The following THSD7B variants were observed in gnomAD, a reference collection of about 807,000 sequenced individuals.
THSD7B encodes the protein thrombospondin type-1 domain-containing protein 7B.
THSD7B carries 138 observed loss-of-function variants against 213.6 expected under a neutral mutation model. That is an observed-to-expected ratio of 0.65 (90% CI 0.56 to 0.74). The LOEUF is 0.74. Among genes scored for constraint, THSD7B ranks in the 30% least tolerant of loss-of-function variants. The pLI is 0.00. For synonymous variants in THSD7B, 742 were observed against 687.0 expected (o/e 1.08, Z -1.25); for missense variants, 1,931 against 1,991.5 (o/e 0.97, Z 0.58).
chr2:137,670,978 A>G (rs188086225), intron 27 of THSD7B, among the ~76,000 whole-genome samples: 1 of 150,824 alleles, frequency 6.6e-6, no homozygotes, highest in Admixed American at 6.6e-5. Flanking sequence ...TTTCATATTC[A>G]TAATAGAATT....
At chr2:137,488,289 T>G (rs1226287680) in intron 15 of THSD7B, among the ~76,000 whole-genome samples, 1 of 152,196 alleles carries the variant, frequency 6.6e-6, no homozygotes, top group African/African-American at 2.4e-5. Context: ...GGTATTCATA[T>G]GTATATGCAC....
At chr2:137,472,877 T>C (rs1188107360) in intron 15 of THSD7B, among the ~76,000 whole-genome samples, 2 of 152,206 alleles carry the variant, frequency 1.3e-5, no homozygotes, top group African/African-American at 4.8e-5. Context: ...TGACATCGTA[T>C]ATTGGTCATT....
chr2:136,902,885 G>A (rs781372335), intron 2 of THSD7B, among the ~76,000 whole-genome samples: 32 of 152,166 alleles, frequency 2.1e-4, no homozygotes, highest in Non-Finnish European at 3.2e-4. Flanking sequence ...ATATGCACAT[G>A]GGAGGAAACT....
At chr2:137,556,832 A>C (rs1680981233) in intron 15 of THSD7B, among the ~76,000 whole-genome samples, 1 of 152,212 alleles carries the variant, frequency 6.6e-6, no homozygotes, top group African/African-American at 2.4e-5. Flanking sequence ...GCTCAAAAGA[A>C]AGGGATGGAG....
rs138643930 is a variant in THSD7B at position 137,537,777 on chromosome 2, A to G, written c.3139-25444A>G. ...TTTACATTGCTTTTAGACTACATTC[A>G]TTTATTCATCTTTCTAAAAATATTT... On this transcript the variant is annotated intron_variant, in intron 15 of 27. Transcript: ENST00000409968. Among the ~76,000 whole-genome samples, 92 of 151,828 alleles carry G rather than the reference A, an allele frequency of 6.1e-4. 2 individuals carry two copies. The highest frequency in any genetic ancestry group is 2.0e-3 in the African/African-American group (83 of 41,504).
chr2:137,201,537 A>G (rs1163685199), intron 7 of THSD7B, among the ~76,000 whole-genome samples: 1 of 152,194 alleles, frequency 6.6e-6, no homozygotes, highest in Non-Finnish European at 1.5e-5. Flanking sequence ...CCCACCAACA[A>G]TGTATACATA....
At chr2:136,854,907 A>G (rs1683154440) in intron 1 of THSD7B, among the ~76,000 whole-genome samples, 1 of 152,076 alleles carries the variant, frequency 6.6e-6, no homozygotes, top group Non-Finnish European at 1.5e-5. Context: ...CCATTGCCCC[A>G]GGTGATGGGC....
intron 15 of THSD7B, among the ~76,000 whole-genome samples, chr2:137,472,532 C>T (rs986322247): frequency 7.2e-5 from 11 of 152,218 alleles, no homozygotes; most frequent in South Asian, 4.1e-4. Flanking sequence ...ATTTTGCAAA[C>T]GTCTTTGATA....
At chr2:137,269,613 A>ATAG (rs1215280855) in intron 10 of THSD7B, among the ~76,000 whole-genome samples, 8 of 152,226 alleles carry the variant, frequency 5.3e-5, no homozygotes, top group Non-Finnish European at 1.0e-4. Context: ...CTGAGGCTAA[A>ATAG]TAGTACAGTA....
At chr2:137,142,366 AG>A (rs1679603571) in intron 5 of THSD7B, among the ~76,000 whole-genome samples, 1 of 152,160 alleles carries the variant, frequency 6.6e-6, no homozygotes, top group Non-Finnish European at 1.5e-5. Context: ...TTCATGAGGG[AG>A]GAGCCCTCCT....
At position 136,846,448 on chromosome 2, in the gene THSD7B, A is replaced by C. The variant is rs548017237; in HGVS notation, c.-35-35696A>C. Reference sequence around the variant, plus strand: ...CACTTTCTGCTACAGTAATTTGATAATAAAATTTATATATTATGAGAAGCA... The same window carrying C: ...CACTTTCTGCTACAGTAATTTGATACTAAAATTTATATATTATGAGAAGCA... On this transcript the variant is annotated intron_variant, in intron 1 of 27. Coordinates refer to ENST00000409968, the MANE Select transcript of THSD7B (RefSeq NM_001316349.2). Among the ~76,000 whole-genome samples the C allele has an allele frequency of 1.3e-4, 20 of 152,316 alleles. No individual in the cohort carries two copies. In the East Asian group the frequency reaches 3.1e-3, roughly 24 times the overall value.
intron 14 of THSD7B, among the ~76,000 whole-genome samples, chr2:137,413,558 G>T (rs1460929310): frequency 1.3e-5 from 2 of 152,216 alleles, no homozygotes; most frequent in African/African-American, 2.4e-5. Flanking sequence ...GAAGGAGGCA[G>T]ATGTACAAAG....
chr2:137,674,926 C>CA (rs1333905364), intron 27 of THSD7B, among the ~76,000 whole-genome samples: 2 of 152,008 alleles, frequency 1.3e-5, no homozygotes, highest in African/African-American at 2.4e-5. Flanking sequence ...AAACATCAAT[C>CA]AAAAAAATAA....
At chr2:137,384,166 C>T (rs1685841747) in intron 12 of THSD7B, among the ~76,000 whole-genome samples, 1 of 152,120 alleles carries the variant, frequency 6.6e-6, no homozygotes, top group South Asian at 2.1e-4. Flanking sequence ...AAGACTCCAA[C>T]TACTCTATTT....
At chr2:137,277,290 A>T (rs1267002500) in intron 12 of THSD7B, among the ~76,000 whole-genome samples, 1 of 152,084 alleles carries the variant, frequency 6.6e-6, no homozygotes, top group East Asian at 1.9e-4. Flanking sequence ...TTTCTAGAAT[A>T]TGAAATCTCT....
intron 2 of THSD7B, among the ~76,000 whole-genome samples, chr2:136,931,141 A>G (rs993965211): frequency 3.3e-5 from 5 of 152,160 alleles, no homozygotes; most frequent in Admixed American, 6.6e-5. Flanking sequence ...GAAGCCCCAA[A>G]GTGGCCCCAA....
At chr2:137,065,445 C>A (rs996044105) in intron 3 of THSD7B, among the ~76,000 whole-genome samples, 9 of 151,902 alleles carry the variant, frequency 5.9e-5, no homozygotes, top group Non-Finnish European at 1.2e-4. Context: ...TATCTGCAAA[C>A]AAGGATAATT....
intron 2 of THSD7B, among the ~76,000 whole-genome samples, chr2:136,914,669 TCTC>T (rs972603207): frequency 7.9e-5 from 12 of 152,004 alleles, no homozygotes; most frequent in African/African-American, 2.7e-4. Context: ...TTCCTCATTT[TCTC>T]CTGCCACAGC....
intron 9 of THSD7B, among the ~76,000 whole-genome samples, chr2:137,238,891 A>G (rs1681837397): frequency 6.6e-6 from 1 of 152,088 alleles, no homozygotes; most frequent in Admixed American, 6.5e-5. Flanking sequence ...TGCTCATTGA[A>G]TCAATCTATT....
Sources: allele counts gnomAD v4.1 joint callset (sites outside exome capture counted in the v4.1 genomes callset), GRCh38; gene constraint gnomAD v4.1.1; transcripts MANE v1.5; gene names NCBI Gene and HGNC (gene_info 2026-07-23, HGNC 2026-07-21).